Variants in IL36B observed in about 807,000 individuals in gnomAD.
IL36B encodes the protein interleukin-36 beta.
IL36B carries 23 observed loss-of-function variants against 19.3 expected under a neutral mutation model. The observed-to-expected ratio is 1.19, with a 90% CI of 0.86 to 1.69. The LOEUF (loss-of-function observed/expected upper bound fraction) is 1.69. Ranked by LOEUF, IL36B falls within the 40% of genes most tolerant of loss-of-function variation. The probability of loss-of-function intolerance (pLI) is 0.00; values close to 1 mark genes in which losing one functional copy is unlikely to be tolerated. For missense variants in IL36B, 217 were observed against 200.5 expected, an observed-to-expected ratio of 1.08 and a Z score of -0.50; for synonymous variants, 59 against 59.7, an observed-to-expected ratio of 0.99 and a Z score of 0.05.
intron 5 of IL36B, chr2:113,025,958 A>G: frequency 7.6e-7 from 1 of 1,311,194 alleles, no homozygotes; most frequent in Non-Finnish European, 1.0e-6. Context: ...AAGTGAGAGA[A>G]GTCAATTCAG....
chr2:113,038,282 A>G (rs910722666), intron 1 of IL36B, among the ~76,000 whole-genome samples: 1 of 152,212 alleles, frequency 6.6e-6, no homozygotes, highest in Non-Finnish European at 1.5e-5. Flanking sequence ...CCTCACTCCC[A>G]GTTCCAGAGT....
intron 1 of IL36B, among the ~76,000 whole-genome samples, chr2:113,047,693 C>A (rs936418656): frequency 6.6e-6 from 1 of 152,078 alleles, no homozygotes. Flanking sequence ...ATGTTTTTAT[C>A]CCCAGCCTTG....
At chr2:113,043,370 AG>A (rs1193063031) in intron 1 of IL36B, among the ~76,000 whole-genome samples, 1 of 152,174 alleles carries the variant, frequency 6.6e-6, no homozygotes, top group Non-Finnish European at 1.5e-5. Flanking sequence ...AGAATGAAAA[AG>A]GTTTCTTCTA....
At chr2:113,045,354 A>T (rs1685332011) in intron 1 of IL36B, among the ~76,000 whole-genome samples, 1 of 151,866 alleles carries the variant, frequency 6.6e-6, no homozygotes, top group Non-Finnish European at 1.5e-5. Context: ...CTTTTTATGT[A>T]TTTGTATGCA....
At chr2:113,043,475 A>G (rs927212849) in intron 1 of IL36B, among the ~76,000 whole-genome samples, 12 of 152,334 alleles carry the variant, frequency 7.9e-5, no homozygotes, top group Non-Finnish European at 1.3e-4. Context: ...AATGGATCAT[A>G]ATTCACCTTT....
chr2:113,037,142 A>G (rs1202213389), intron 1 of IL36B, among the ~76,000 whole-genome samples: 2 of 151,862 alleles, frequency 1.3e-5, no homozygotes, highest in Non-Finnish European at 2.9e-5. Context: ...TGTGTGGATC[A>G]GCGACCACAG....
At chr2:113,030,965 G>T (rs1685063986) in intron 3 of IL36B, 83 bp downstream of exon 3, 2 of 1,014,448 alleles carry the variant, frequency 2.0e-6, no homozygotes, top group Admixed American at 1.8e-5. Flanking sequence ...GAGGTCCAGG[G>T]CCAGGCTTAT....
At chr2:113,037,711 A>G (rs540067117) in intron 1 of IL36B, among the ~76,000 whole-genome samples, 76 of 152,062 alleles carry the variant, frequency 5.0e-4, no homozygotes, top group African/African-American at 1.7e-3. Flanking sequence ...TTATACCATA[A>G]TATGAATGAT....
intron 5 of IL36B, among the ~76,000 whole-genome samples, chr2:113,024,308 T>C (rs1482732118): frequency 6.6e-6 from 1 of 152,204 alleles, no homozygotes; most frequent in Non-Finnish European, 1.5e-5. Context: ...AACTAGTGCT[T>C]CAGAGACTGG....
chr2:113,047,800 T>A (rs1043827167), intron 1 of IL36B, among the ~76,000 whole-genome samples: 1 of 151,930 alleles, frequency 6.6e-6, no homozygotes, highest in African/African-American at 2.4e-5. Flanking sequence ...TATAAAAAAA[T>A]TAAAGGTAGA....
chr2:113,043,601 G>C (rs569525089), intron 1 of IL36B, among the ~76,000 whole-genome samples: 1 of 151,992 alleles, frequency 6.6e-6, no homozygotes, highest in East Asian at 1.9e-4. Context: ...TTGCTCTGTC[G>C]CCCAGGCTGG....
At chr2:113,040,575 C>A (rs928105930) in intron 1 of IL36B, among the ~76,000 whole-genome samples, 1 of 152,136 alleles carries the variant, frequency 6.6e-6, no homozygotes, top group Non-Finnish European at 1.5e-5. Context: ...GAAAAGTTAA[C>A]TGTATTTTTA....
In IL36B at chr2:113,031,720, G is replaced by C; in HGVS notation, c.-11C>G. 1 of 1,607,984 alleles carries C rather than the reference G, an allele frequency of 6.2e-7. No individual in the cohort carries two copies. The highest frequency in any genetic ancestry group is 2.2e-5 in the East Asian group (1 of 44,836). On this transcript the variant is annotated 5_prime_UTR_variant, in exon 2 of 6. Coordinates refer to ENST00000259213, the MANE Select transcript of IL36B (RefSeq NM_014438.5). Reference sequence around the variant, plus strand: ...ACGTTGTGGGTTCATGATGTCTTCAGAGCCTTTTGTGAAGAGAACAAGATA... The same window carrying C: ...ACGTTGTGGGTTCATGATGTCTTCACAGCCTTTTGTGAAGAGAACAAGATA...
At chr2:113,042,172 TGTC>T (rs1316213510) in intron 1 of IL36B, among the ~76,000 whole-genome samples, 4 of 152,192 alleles carry the variant, frequency 2.6e-5, no homozygotes, top group African/African-American at 9.7e-5. Context: ...CACCCTATGT[TGTC>T]GTATCCAGAA....
chr2:113,046,783 T>A (rs1685358419), intron 1 of IL36B, among the ~76,000 whole-genome samples: 1 of 134,414 alleles, frequency 7.4e-6, no homozygotes, highest in Non-Finnish European at 1.6e-5. Context: ...ACTGTCAACA[T>A]AACTTATTAC....
At chr2:113,032,865 G>A (rs866879874) in intron 1 of IL36B, among the ~76,000 whole-genome samples, 3 of 152,182 alleles carry the variant, frequency 2.0e-5, no homozygotes, top group South Asian at 2.1e-4. Context: ...GACTGACAGT[G>A]GAGCAACACA....
intron 1 of IL36B, among the ~76,000 whole-genome samples, chr2:113,047,983 G>A (rs1237343448): frequency 6.6e-6 from 1 of 152,096 alleles, no homozygotes; most frequent in African/African-American, 2.4e-5. Context: ...AAAACAGCAA[G>A]ATGGTAGATA....
chr2:113,037,382 G>A (rs1400263330), intron 1 of IL36B, among the ~76,000 whole-genome samples: 1 of 152,192 alleles, frequency 6.6e-6, no homozygotes. Context: ...GGGTGTGGTG[G>A]CTCACACCTG....
At chr2:113,038,567 G>A (rs1045766958) in intron 1 of IL36B, among the ~76,000 whole-genome samples, 1 of 152,222 alleles carries the variant, frequency 6.6e-6, no homozygotes, top group African/African-American at 2.4e-5. Context: ...GGTAGTTTGT[G>A]CAGAGTGAGA....
Sources: gnomAD v4.1 joint callset for allele counts (sites outside exome capture counted in the v4.1 genomes callset) on GRCh38, gnomAD v4.1.1 for gene constraint, MANE v1.5 for transcripts, NCBI Gene and HGNC (gene_info 2026-07-23, HGNC 2026-07-21) for gene names.